The following ATP6V1D variants were observed in gnomAD, a reference collection of about 807,000 sequenced individuals.
ATP6V1D encodes ATPase H+ transporting V1 subunit D, also known as V-type proton ATPase subunit D.
Under a neutral mutation model 39.4 loss-of-function variants are expected in ATP6V1D, and 20 were observed. The observed-to-expected ratio is 0.51, with a 90% CI of 0.36 to 0.74. The LOEUF (loss-of-function observed/expected upper bound fraction) is 0.74, where lower values mean the gene tolerates loss of function less well. Among genes scored for constraint, ATP6V1D ranks in the 30% least tolerant of loss-of-function variants. ATP6V1D has a pLI of 0.00. For synonymous variants in ATP6V1D, 100 were observed against 100.5 expected (o/e 0.99, Z 0.03); for missense variants, 228 against 291.6 (o/e 0.78, Z 1.59).
intron 4 of ATP6V1D, 23 bp downstream of exon 4, chr14:67,349,013 GT>G (rs1320709628): frequency 6.2e-7 from 1 of 1,607,090 alleles, no homozygotes; most frequent in South Asian, 1.1e-5. Context: ...TCCCCAAAGG[GT>G]TTCTAAAAGG....
rs796562870 is a variant in ATP6V1D at position 67,355,113 on chromosome 14, G to C, written c.42-2073C>G. ...AGGCATGAGCCACCGCACCTGGCCT[G>C]CATTTTTTATACCACAATAATTTAC... is the stretch of plus-strand genomic sequence containing the variant. On this transcript the variant is annotated intron_variant, in intron 1 of 8. Coordinates refer to ENST00000216442, the MANE Select transcript of ATP6V1D (RefSeq NM_015994.4). 2.2e-4 allele frequency among the ~76,000 whole-genome samples: 34 copies of C among 152,054 alleles called. 2 individuals carry two copies. The highest frequency in any genetic ancestry group is 8.2e-4 in the African/African-American group (34 of 41,484).
At chr14:67,351,362 GA>G (rs965696268) in intron 2 of ATP6V1D, among the ~76,000 whole-genome samples, 1 of 151,196 alleles carries the variant, frequency 6.6e-6, no homozygotes, top group Non-Finnish European at 1.5e-5. Context: ...AAGGTTTAAA[GA>G]AAAAAAACTG....
intron 7 of ATP6V1D, among the ~76,000 whole-genome samples, chr14:67,342,894 C>A (rs991353646): frequency 9.9e-5 from 15 of 151,900 alleles, no homozygotes; most frequent in Non-Finnish European, 1.9e-4. Flanking sequence ...CAACACTAAG[C>A]AGTCATATTT....
chr14:67,349,647 C>A (rs1169792495), intron 3 of ATP6V1D, among the ~76,000 whole-genome samples: 1 of 152,126 alleles, frequency 6.6e-6, no homozygotes, highest in African/African-American at 2.4e-5. Flanking sequence ...CCAGCCTGGG[C>A]AATGTGGTGA....
rs1308705776 is a variant in ATP6V1D at position 67,338,879 on chromosome 14, C to A, written c.603-117G>T. 7 of 781,630 alleles carry A rather than the reference C, an allele frequency of 9.0e-6. No homozygotes were observed. The East Asian group carries it at 1.8e-4, about 20-fold the overall frequency. The allele number at this position is 781,630 out of a possible 1,614,324, so 48.4% of individuals were successfully genotyped here. The stretch of plus-strand genomic sequence containing the variant: ...CACATACCTAGAAAAAAACCTGGTA[C>A]TTTTATTAATTTCATTTTCAGTAAT... On this transcript the variant is annotated intron_variant, in intron 8 of 8. Transcript: ENST00000216442.
At chr14:67,358,351 G>C (rs2085700282) in intron 1 of ATP6V1D, among the ~76,000 whole-genome samples, 1 of 152,180 alleles carries the variant, frequency 6.6e-6, no homozygotes, top group African/African-American at 2.4e-5. Context: ...ATTTCATTAA[G>C]AGCTATTTAG....
At chr14:67,358,234 C>T (rs1428901033) in intron 1 of ATP6V1D, among the ~76,000 whole-genome samples, 4 of 152,174 alleles carry the variant, frequency 2.6e-5, no homozygotes, top group Admixed American at 6.5e-5. Flanking sequence ...GTTGTCACTA[C>T]CTCGGGATAG....
chr14:67,344,885 A>G (rs1207485668), intron 6 of ATP6V1D, among the ~76,000 whole-genome samples: 2 of 151,794 alleles, frequency 1.3e-5, no homozygotes, highest in Middle Eastern at 3.2e-3. Flanking sequence ...TGTCTCAAAG[A>G]AAAAAACAAA....
intron 7 of ATP6V1D, among the ~76,000 whole-genome samples, chr14:67,342,061 G>A (rs907813217): frequency 6.6e-6 from 1 of 151,920 alleles, no homozygotes; most frequent in Non-Finnish European, 1.5e-5. Flanking sequence ...AGTCTGCAGG[G>A]TCCTCTGCCT....
chr14:67,341,272 G>A (rs1017511446), intron 7 of ATP6V1D, among the ~76,000 whole-genome samples: 6 of 150,700 alleles, frequency 4.0e-5, no homozygotes, highest in Non-Finnish European at 7.4e-5. Context: ...TGTGGGGAGC[G>A]CCTCTGCCCC....
intron 6 of ATP6V1D, among the ~76,000 whole-genome samples, chr14:67,345,034 G>A (rs896134472): frequency 6.6e-6 from 1 of 152,164 alleles, no homozygotes; most frequent in Non-Finnish European, 1.5e-5. Context: ...TTGAGCCCAG[G>A]AGTTCGAGAC....
intron 3 of ATP6V1D, 46 bp downstream of exon 3, chr14:67,350,565 G>C (rs528155046): frequency 6.6e-7 from 1 of 1,505,112 alleles, no homozygotes; most frequent in African/African-American, 1.4e-5. Context: ...TTATGAGACT[G>C]AAATCACTTT....
At chr14:67,356,990 T>C (rs1195466833) in intron 1 of ATP6V1D, among the ~76,000 whole-genome samples, 1 of 152,214 alleles carries the variant, frequency 6.6e-6, no homozygotes, top group Non-Finnish European at 1.5e-5. Flanking sequence ...GAATTTACCA[T>C]GTTAATTTTA....
At chr14:67,358,021 T>A (rs1447444158) in intron 1 of ATP6V1D, among the ~76,000 whole-genome samples, 1 of 152,022 alleles carries the variant, frequency 6.6e-6, no homozygotes, top group East Asian at 1.9e-4. Flanking sequence ...GAGGGGTCTA[T>A]CAATTAGGTG....
intron 1 of ATP6V1D, 124 bp downstream of exon 1, chr14:67,359,534 G>T (rs1266917045): frequency 1.1e-5 from 12 of 1,112,638 alleles, no homozygotes; most frequent in Admixed American, 2.4e-5. Context: ...CTCAAGAAAA[G>T]AACCTGGGAA....
intron 7 of ATP6V1D, among the ~76,000 whole-genome samples, chr14:67,342,739 TTAATA>T (rs1355365022): frequency 1.3e-5 from 2 of 151,000 alleles, no homozygotes; most frequent in African/African-American, 2.4e-5. Flanking sequence ...TTATACATAG[TTAATA>T]TAATAGTTAA....
At chr14:67,345,724 T>TA (rs1271541039) in intron 6 of ATP6V1D, 44 bp downstream of exon 6, 1 of 1,395,198 alleles carries the variant, frequency 7.2e-7, no homozygotes. Flanking sequence ...ACTTGACTGT[T>TA]ACAAATCAAA....
chr14:67,349,674 A>G (rs2085643866), intron 3 of ATP6V1D, among the ~76,000 whole-genome samples: 1 of 152,214 alleles, frequency 6.6e-6, no homozygotes, highest in African/African-American at 2.4e-5. Flanking sequence ...AAAATACAAA[A>G]ATTAGCCAGT....
chr14:67,339,245 C>T (rs2085561621), intron 8 of ATP6V1D, among the ~76,000 whole-genome samples: 1 of 152,108 alleles, frequency 6.6e-6, no homozygotes, highest in East Asian at 1.9e-4. Context: ...GATCCACCCG[C>T]CTTGGCCTCC....
Sources: allele counts gnomAD v4.1 joint callset (sites outside exome capture counted in the v4.1 genomes callset), GRCh38; gene constraint gnomAD v4.1.1; transcripts MANE v1.5; gene names NCBI Gene and HGNC (gene_info 2026-07-23, HGNC 2026-07-21).